SLC12A2: variants seen among roughly 807,000 people sequenced by gnomAD.
SLC12A2 encodes the protein Na-K-2Cl cotransporter 1.
In SLC12A2, 67 loss-of-function variants were observed where a neutral mutation model predicts 136.3. That is an observed-to-expected ratio of 0.49 (90% CI 0.40 to 0.60). The LOEUF is 0.60. Among genes scored for constraint, SLC12A2 ranks in the 20% least tolerant of loss-of-function variants. The pLI, the probability that SLC12A2 is intolerant of heterozygous loss-of-function variation, is 0.00. For synonymous variants in SLC12A2, 619 were observed against 562.9 expected (o/e 1.10, Z -1.41); for missense variants, 1,322 against 1,534.7 (o/e 0.86, Z 2.32).
chr5:128,133,219 G>A (rs892457734), intron 5 of SLC12A2, among the ~76,000 whole-genome samples: 2 of 152,000 alleles, frequency 1.3e-5, no homozygotes, highest in Admixed American at 1.3e-4. Flanking sequence ...GAAATTGAAT[G>A]GGACCCTTGA....
chr5:128,104,868 C>T (rs1426957856), intron 1 of SLC12A2, among the ~76,000 whole-genome samples: 4 of 152,014 alleles, frequency 2.6e-5, no homozygotes, highest in Non-Finnish European at 5.9e-5. Flanking sequence ...TGGAGCTATA[C>T]AGTGCAGAAC....
Position 128,148,831 on chromosome 5 carries a change from T to C in SLC12A2, c.1959T>C (p.Arg653=). Residue 653 remains arginine (R), a synonymous_variant, in exon 12 of 27, where the codon CGT becomes CGC. Coordinates refer to ENST00000262461, the MANE Select transcript of SLC12A2 (RefSeq NM_001046.3). ...KGYGKNNEPL[R]GYILTFLIAL... is the part of the protein sequence containing the mutation. The stretch of plus-strand genomic sequence containing the variant: ...ATGGGAAAAATAATGAACCTCTTCG[T>C]GGCTACATCTTAACATTCTTAATTG... The C allele has an allele frequency of 8.7e-6, 14 of 1,607,630 alleles. No homozygotes were observed. The highest frequency in any genetic ancestry group is 1.2e-5 in the Non-Finnish European group (14 of 1,176,842).
intron 23 of SLC12A2, among the ~76,000 whole-genome samples, 197 bp from the exon 24 acceptor site, chr5:128,182,658 A>AGT (rs1581143829): frequency 6.6e-6 from 1 of 152,244 alleles, no homozygotes; most frequent in East Asian, 1.9e-4. Flanking sequence ...TAAAATACTC[A>AGT]GTGATTACTC....
At chr5:128,158,708 G>C (rs1324219583) in intron 16 of SLC12A2, among the ~76,000 whole-genome samples, 2 of 152,138 alleles carry the variant, frequency 1.3e-5, no homozygotes, top group Non-Finnish European at 1.5e-5. Flanking sequence ...TGTTCCTTTG[G>C]ATATATACCC....
intron 1 of SLC12A2, among the ~76,000 whole-genome samples, chr5:128,093,133 G>T (rs7713877): frequency 0.31 from 47,132 of 151,776 alleles, 8,723 homozygotes; most frequent in African/African-American, 0.51. Context: ...GGAAGTTTTT[G>T]TTTTGTTCTG....
intron 10 of SLC12A2, among the ~76,000 whole-genome samples, chr5:128,144,462 G>T (rs954876301): frequency 1.3e-5 from 2 of 152,196 alleles, no homozygotes; most frequent in South Asian, 2.1e-4. Context: ...TCAGACTTCA[G>T]GGAATAAAGT....
chr5:128,167,696 T>C, intron 17 of SLC12A2, 65 bp from the exon 18 acceptor site: 1 of 1,136,102 alleles, frequency 8.8e-7, no homozygotes, highest in Non-Finnish European at 1.3e-6. Flanking sequence ...GACAGTTTTA[T>C]CACTTCAGAA....
intron 22 of SLC12A2, among the ~76,000 whole-genome samples, chr5:128,179,747 A>G (rs1763643485): frequency 6.6e-6 from 1 of 152,024 alleles, no homozygotes; most frequent in Non-Finnish European, 1.5e-5. Flanking sequence ...CCCATGATCC[A>G]AACACCTCCC....
chr5:128,180,837 A>G, intron 22 of SLC12A2, 46 bp from the exon 23 acceptor site: 1 of 1,122,696 alleles, frequency 8.9e-7, no homozygotes. Context: ...TTCCTGATTA[A>G]GAAATTTGCA....
chr5:128,091,837 G>T (rs1053479735), intron 1 of SLC12A2, among the ~76,000 whole-genome samples: 2 of 152,100 alleles, frequency 1.3e-5, no homozygotes, highest in African/African-American at 4.8e-5. Flanking sequence ...AAATTTCCCT[G>T]CCTTAATTTT....
At chr5:128,177,027 G>A in intron 20 of SLC12A2, 78 bp from the exon 21 acceptor site, 1 of 828,896 alleles carries the variant, frequency 1.2e-6, no homozygotes, top group South Asian at 2.0e-5. Context: ...GTTTATAAAT[G>A]TGCTCTGATT....
intron 1 of SLC12A2, among the ~76,000 whole-genome samples, chr5:128,095,193 G>A (rs544922535): frequency 6.6e-6 from 1 of 152,106 alleles, no homozygotes; most frequent in East Asian, 1.9e-4. Flanking sequence ...TGTTTTCTTT[G>A]TGAGAGTGGA....
chr5:128,172,883 A>G lies in SLC12A2; in HGVS notation c.2803+1137A>G, dbSNP rs192348381. On this transcript the variant is annotated intron_variant, in intron 19 of 26. Coordinates refer to ENST00000262461, the MANE Select transcript of SLC12A2 (RefSeq NM_001046.3). ...GGAGAATTGCTTGAACCCAGGAAGCAGAGGCTGCAGTAAGCCGAGATTGCT... is the reference window on the plus strand; with the variant it reads ...GGAGAATTGCTTGAACCCAGGAAGCGGAGGCTGCAGTAAGCCGAGATTGCT... 1.5e-3 allele frequency among the ~76,000 whole-genome samples: 231 copies of G among 152,062 alleles called. 1 individual carries two copies. The highest frequency in any genetic ancestry group is 1.9e-3 in the Non-Finnish European group (128 of 67,962).
intron 16 of SLC12A2, 124 bp downstream of exon 16, chr5:128,158,288 G>T (rs567300000): frequency 2.9e-6 from 2 of 701,036 alleles, no homozygotes; most frequent in East Asian, 2.8e-5. Context: ...TGTACAGATT[G>T]TTTTGTCACC....
At chr5:128,149,242 T>C (rs1762621477) in intron 12 of SLC12A2, among the ~76,000 whole-genome samples, 1 of 151,772 alleles carries the variant, frequency 6.6e-6, no homozygotes, top group Admixed American at 6.6e-5. Context: ...AAAGATGACA[T>C]TGGACTTTTT....
intron 5 of SLC12A2, among the ~76,000 whole-genome samples, chr5:128,133,084 C>G (rs1762079552): frequency 6.6e-6 from 1 of 151,368 alleles, no homozygotes; most frequent in Non-Finnish European, 1.5e-5. Context: ...TCAAGTAATT[C>G]TCAGATATGA....
chr5:128,134,067 G>T, intron 5 of SLC12A2, 98 bp from the exon 6 acceptor site: 1 of 632,690 alleles, frequency 1.6e-6, no homozygotes, highest in Admixed American at 2.5e-5. Context: ...ACTTCTTCAT[G>T]TAAGGCACCG....
chr5:128,155,901 G>A (rs926802435), intron 15 of SLC12A2, among the ~76,000 whole-genome samples: 1 of 151,980 alleles, frequency 6.6e-6, no homozygotes, highest in African/African-American at 2.4e-5. Context: ...GAGCCAAGTG[G>A]GGAAAGGAGC....
At chr5:128,146,977 A>T (rs1441289394) in intron 10 of SLC12A2, among the ~76,000 whole-genome samples, 1 of 151,598 alleles carries the variant, frequency 6.6e-6, no homozygotes, top group Non-Finnish European at 1.5e-5. Flanking sequence ...AGAGTATGAG[A>T]TCTCCATGGG....
Sources: gnomAD v4.1 joint callset for allele counts (sites outside exome capture counted in the v4.1 genomes callset) on GRCh38, gnomAD v4.1.1 for gene constraint, MANE v1.5 for transcripts, NCBI Gene and HGNC (gene_info 2026-07-23, HGNC 2026-07-21) for gene names.